HIPK1: variants seen among roughly 807,000 people sequenced by gnomAD.
HIPK1 encodes the protein homeodomain-interacting protein kinase 1.
Under a neutral mutation model 117.1 loss-of-function variants are expected in HIPK1, and 28 were observed. The observed-to-expected ratio is 0.24, with a 90% CI of 0.18 to 0.33. HIPK1 has a LOEUF of 0.33. Among genes scored for constraint, HIPK1 ranks in the 10% least tolerant of loss-of-function variants. HIPK1 has a pLI of 1.00. For synonymous variants in HIPK1, 605 were observed against 562.5 expected, an observed-to-expected ratio of 1.08 and a Z score of -1.07; for missense variants, 1,122 against 1,475.1, an observed-to-expected ratio of 0.76 and a Z score of 3.92.
intron 1 of HIPK1, among the ~76,000 whole-genome samples, chr1:113,932,383 T>A (rs572511607): frequency 1.3e-5 from 2 of 150,254 alleles, no homozygotes; most frequent in East Asian, 3.9e-4. Context: ...TTTTTTTTTT[T>A]TTTTTTTTAT....
intron 1 of HIPK1, among the ~76,000 whole-genome samples, chr1:113,931,131 T>A (rs1669865310): frequency 6.6e-6 from 1 of 152,012 alleles, no homozygotes; most frequent in Non-Finnish European, 1.5e-5. Flanking sequence ...ATTTTCCTTT[T>A]GTTTGTGTAA....
chr1:113,930,545 A>G lies in HIPK1; in HGVS notation c.-3+1013A>G, dbSNP rs115843554. The G allele has an allele frequency of 5.6e-3, 846 of 152,392 alleles. 3 individuals are homozygous for G. The highest frequency in any genetic ancestry group is 9.7e-3 in the Non-Finnish European group (658 of 68,128). 9.4% of individuals were successfully genotyped at this position (152,392 alleles called of 1,614,324 possible). ...ATCTAGAGGTCTGGCCCAAAGGGAA[A>G]CTTTTGCTGCCACCACTTTCAAAGC... On this transcript the variant is annotated intron_variant, in intron 1 of 15. Transcript: ENST00000426820.
chr1:113,961,813 G>A (rs754558424), intron 8 of HIPK1, among the ~76,000 whole-genome samples: 15 of 151,864 alleles, frequency 9.9e-5, no homozygotes, highest in South Asian at 4.2e-4. Context: ...GCGTGGTGGC[G>A]CACTCCTGTA....
rs768568895 is a variant in HIPK1 at position 113,929,417 on chromosome 1, A to G, written c.-118A>G. ...AGGGGGCGGGAAGTCCAGGCCCCGCACTCGATCCACGCTGGCTCCCTACGG... is the reference window on the plus strand; with the variant it reads ...AGGGGGCGGGAAGTCCAGGCCCCGCGCTCGATCCACGCTGGCTCCCTACGG... On this transcript the variant is annotated 5_prime_UTR_variant, in exon 1 of 16. Transcript: ENST00000426820. The G allele has an allele frequency of 5.4e-6, 7 of 1,288,954 alleles. No homozygotes were observed. The African/African-American group carries it at 9.1e-5, about 17-fold the overall frequency. The allele number at this position is 1,288,954 out of a possible 1,614,324, so 79.8% of individuals were successfully genotyped here.
At chr1:113,946,833 A>G (rs572485902) in intron 2 of HIPK1, among the ~76,000 whole-genome samples, 9 of 152,332 alleles carry the variant, frequency 5.9e-5, no homozygotes, top group Admixed American at 1.3e-4. Flanking sequence ...AGGATTTAAC[A>G]TGAGTGTTCT....
intron 10 of HIPK1, 138 bp downstream of exon 10, chr1:113,963,659 G>T: frequency 3.5e-6 from 3 of 845,694 alleles, no homozygotes; most frequent in Non-Finnish European, 5.3e-6. Context: ...TTTGCAGAGG[G>T]CATGGAAGCA....
In HIPK1 at chr1:113,970,146, C is replaced by T. The variant is rs751523130; in HGVS notation, c.2962C>T (p.Pro988Ser). Residue 988 changes from proline to serine, a missense_variant, in exon 14 of 16, where the codon CCT (proline) becomes TCT (serine). Pro to Ser is a moderately conservative substitution (Grantham distance 74). This residue lies in a region of HIPK1 where 731 missense variants were observed against 860.4 expected (regional missense o/e 0.85). Coordinates refer to ENST00000426820, the MANE Select transcript of HIPK1 (RefSeq NM_198268.3). ...DGTGTRTIIV[P>S]PLKTQLGDCT... is the part of the protein sequence containing the mutation. ...CACTGGCACCCGCACTATCATTGTG[C>T]CTCCACTGAAAACTCAGCTTGGTGA... 3.7e-6 allele frequency: 6 copies of T among 1,614,030 alleles called. No individual in the cohort carries two copies. Among genetic ancestry groups the T allele is most frequent in the Non-Finnish European group, 8.5e-7 (1 of 1,180,012 alleles).
chr1:113,935,944 G>A (rs921094939), intron 1 of HIPK1, among the ~76,000 whole-genome samples: 3 of 152,184 alleles, frequency 2.0e-5, no homozygotes, highest in Admixed American at 6.5e-5. Flanking sequence ...TGTTGTTGTT[G>A]TTGTTTGAAA....
intron 9 of HIPK1, 91 bp downstream of exon 9, chr1:113,962,529 A>C (rs1352950981): frequency 7.8e-7 from 1 of 1,288,498 alleles, no homozygotes; most frequent in Non-Finnish European, 1.1e-6. Flanking sequence ...TCCTTTGACT[A>C]TAAGATCTTT....
chr1:113,969,908 C>T, intron 13 of HIPK1, 48 bp from the exon 14 acceptor site: 1 of 1,605,606 alleles, frequency 6.2e-7, no homozygotes, highest in Non-Finnish European at 8.5e-7. Context: ...CGCTGTCACA[C>T]ACACAAAAAA....
intron 2 of HIPK1, among the ~76,000 whole-genome samples, chr1:113,943,040 A>G (rs1269473999): frequency 1.3e-5 from 2 of 152,236 alleles, no homozygotes; most frequent in Non-Finnish European, 2.9e-5. Context: ...AACCCATACA[A>G]GGACTCAGAA....
chr1:113,930,836 G>C (rs1291854382), intron 1 of HIPK1: 1 of 152,174 alleles, frequency 6.6e-6, no homozygotes, highest in Non-Finnish European at 1.5e-5. Context: ...GTAGGGAAGA[G>C]GGGGGGAAAA....
At chr1:113,946,133 A>G (rs141430566) in intron 2 of HIPK1, among the ~76,000 whole-genome samples, 148 of 152,116 alleles carry the variant, frequency 9.7e-4, no homozygotes, top group African/African-American at 3.2e-3. Context: ...GCCTTGGGAG[A>G]TTTAGGTTCC....
intron 11 of HIPK1, among the ~76,000 whole-genome samples, chr1:113,966,497 AAG>A (rs1238232491): frequency 6.6e-6 from 1 of 152,202 alleles, no homozygotes; most frequent in East Asian, 1.9e-4. Flanking sequence ...AGATTTTTTA[AAG>A]AGAGTCTTAA....
intron 2 of HIPK1, among the ~76,000 whole-genome samples, chr1:113,943,224 A>G (rs11802140): frequency 0.025 from 3,734 of 152,308 alleles, 93 homozygotes; most frequent in Admixed American, 0.085. Context: ...AACCATCACC[A>G]CTATTTCCAA....
At chr1:113,967,455 T>TC (rs2101467755) in intron 11 of HIPK1, among the ~76,000 whole-genome samples, 1 of 152,346 alleles carries the variant, frequency 6.6e-6, no homozygotes, top group Non-Finnish European at 1.5e-5. Flanking sequence ...GCAGTTTTGA[T>TC]CTGCATTTCT....
At chr1:113,932,122 A>G (rs1669934928) in intron 1 of HIPK1, 1 of 152,148 alleles carries the variant, frequency 6.6e-6, no homozygotes, top group Non-Finnish European at 1.5e-5. Context: ...ATATTCCTGT[A>G]GTGCATAATT....
chr1:113,954,295 T>TA (rs1216518776), intron 3 of HIPK1, among the ~76,000 whole-genome samples: 1 of 152,198 alleles, frequency 6.6e-6, no homozygotes, highest in East Asian at 1.9e-4. Context: ...TGTCCGTAAA[T>TA]ACACTTCTAC....
intron 3 of HIPK1, 122 bp downstream of exon 3, chr1:113,953,011 T>G: frequency 1.1e-6 from 1 of 887,170 alleles, no homozygotes; most frequent in Non-Finnish European, 1.5e-6. Flanking sequence ...GTAGTCCAAT[T>G]GCTACTAAAG....
Sources: gnomAD v4.1 joint callset for allele counts (sites outside exome capture counted in the v4.1 genomes callset) on GRCh38, gnomAD v4.1.1 for gene constraint, gnomAD v4.1.1 regional missense constraint, MANE v1.5 for transcripts, NCBI Gene and HGNC (gene_info 2026-07-23, HGNC 2026-07-21) for gene names.